The following RASSF4 variants were observed in gnomAD, a reference collection of about 807,000 sequenced individuals.
RASSF4 encodes Ras association domain family member 4, also known as ras association domain-containing protein 4.
In RASSF4, 38 loss-of-function variants were observed where a neutral mutation model predicts 41.1. The observed-to-expected ratio is 0.92, with a 90% CI of 0.71 to 1.21. The LOEUF is 1.21. Among genes scored for constraint, RASSF4 ranks in the 50% most tolerant of loss-of-function variants. The probability of loss-of-function intolerance (pLI) is 0.00; values close to 1 mark genes in which losing one functional copy is unlikely to be tolerated. For missense variants in RASSF4, 414 were observed against 419.4 expected, an observed-to-expected ratio of 0.99 and a Z score of 0.11; for synonymous variants, 179 against 163.4, an observed-to-expected ratio of 1.10 and a Z score of -0.73.
Position 44,984,863 on chromosome 10 carries a change from G to C in RASSF4, c.424G>C (p.Asp142His). 6.2e-7 allele frequency: 1 copy of C among 1,613,604 alleles called. No homozygotes were observed. Among genetic ancestry groups the C allele is most frequent in the South Asian group, 1.1e-5 (1 of 91,078 alleles). ...EAPQLMRTKS[D>H]ASCMSQRRPK... ...CCCCCAGCTGATGCGGACCAAGAGC[G>C]ACGCCAGTTGCATGAGCCAGAGGAG... Residue 142 changes from aspartate (D) to histidine (H), a missense_variant, in exon 6 of 11, where the codon GAC (aspartate) becomes CAC (histidine). Physicochemically the swap from Asp to His is moderately conservative, Grantham distance 81. Transcript: ENST00000340258.
chr10:44,983,002 T>TA, intron 4 of RASSF4: 1 of 575,652 alleles, frequency 1.7e-6, no homozygotes, highest in Non-Finnish European at 3.4e-6. Context: ...GTTCTATCTT[T>TA]AAAATTCACA....
At chr10:44,968,963 TGTGA>T (rs1336482762) in intron 1 of RASSF4, among the ~76,000 whole-genome samples, 1 of 152,032 alleles carries the variant, frequency 6.6e-6, no homozygotes, top group African/African-American at 2.4e-5. Flanking sequence ...TATGTGTGTG[TGTGA>T]GTGTGTGTCT....
chr10:44,976,080 A>G (rs572147422), intron 3 of RASSF4: 1 of 152,218 alleles, frequency 6.6e-6, no homozygotes, highest in Non-Finnish European at 1.5e-5. Context: ...ACGTTTGCCC[A>G]AAGTCAGGGA....
Position 44,993,386 on chromosome 10 carries a change from C to G in RASSF4, c.*57C>G. 1 of 1,428,190 alleles carries G rather than the reference C, an allele frequency of 7.0e-7. No homozygotes were observed. Among genetic ancestry groups the G allele is most frequent in the Non-Finnish European group, 9.6e-7 (1 of 1,041,630 alleles). The allele number at this position is 1,428,190 out of a possible 1,614,324, so 88.5% of individuals were successfully genotyped here. A position where few individuals can be genotyped will look rare whatever the true frequency, so the allele number is the denominator to read the frequency against. On this transcript the variant is annotated 3_prime_UTR_variant, in exon 11 of 11. Coordinates refer to ENST00000340258, the MANE Select transcript of RASSF4 (RefSeq NM_032023.4). Reference sequence around the variant, plus strand: ...AGCAGTGGCAGGTGTACACTGAGCCCTGGTTGCTGGCCCCGGCCGGTCACA... The same window carrying G: ...AGCAGTGGCAGGTGTACACTGAGCCGTGGTTGCTGGCCCCGGCCGGTCACA...
At chr10:44,973,464 G>C (rs1431941649) in intron 3 of RASSF4, among the ~76,000 whole-genome samples, 1 of 152,214 alleles carries the variant, frequency 6.6e-6, no homozygotes, top group Non-Finnish European at 1.5e-5. Context: ...CTGTTCTTCA[G>C]CTCTGGCTGT....
rs530933864 is a variant in RASSF4 at position 44,987,530 on chromosome 10, G to A, written c.532-1744G>A. Among the ~76,000 whole-genome samples, 12 of 151,470 alleles carry A rather than the reference G, an allele frequency of 7.9e-5. No individual in the cohort carries two copies. In the East Asian group the frequency reaches 2.1e-3, roughly 27 times the overall value. ...AGGTTGAGTCTGACTCTGGCACAGC[G>A]TGCTTCATTTTATTGTGCTTCTTGT... On this transcript the variant is annotated intron_variant, in intron 6 of 10. Transcript: ENST00000340258.
At chr10:44,989,744 G>C in intron 8 of RASSF4, 23 bp downstream of exon 8, 1 of 1,610,720 alleles carries the variant, frequency 6.2e-7, no homozygotes. Flanking sequence ...CCCACTTCTG[G>C]ATCGTAAAAG....
chr10:44,988,057 C>T (rs750802462), intron 6 of RASSF4, among the ~76,000 whole-genome samples: 4 of 152,034 alleles, frequency 2.6e-5, no homozygotes, highest in Admixed American at 6.6e-5. Flanking sequence ...GAGGAATATG[C>T]GAATCTAAAC....
intron 1 of RASSF4, among the ~76,000 whole-genome samples, chr10:44,960,885 G>T (rs923684653): frequency 7.2e-6 from 1 of 139,400 alleles, no homozygotes; most frequent in African/African-American, 2.9e-5. Flanking sequence ...AGGATTTGTT[G>T]CCAGAAACCA....
chr10:44,984,651 AAGCTGGGAATATCC>A, intron 5 of RASSF4, 148 bp from the exon 6 acceptor site: 1 of 790,828 alleles, frequency 1.3e-6, no homozygotes, highest in East Asian at 2.5e-5. Context: ...TCCTATCTGC[AAGCTGGGAATATCC>A]AGCCTCCAGT....
intron 1 of RASSF4, among the ~76,000 whole-genome samples, chr10:44,968,505 C>T (rs1299425997): frequency 2.0e-5 from 3 of 152,140 alleles, no homozygotes; most frequent in Admixed American, 6.5e-5. Context: ...AAGCCCACTC[C>T]CTCAAATCCT....
At chr10:44,971,220 A>C (rs1841142549) in intron 2 of RASSF4, 2 of 326,058 alleles carry the variant, frequency 6.1e-6, no homozygotes, top group Non-Finnish European at 6.1e-6. Context: ...CCCTTCGGGA[A>C]GGGAGACAGC....
At position 44,990,094 on chromosome 10, in the gene RASSF4, C is replaced by G. The variant is rs982322470; in HGVS notation, c.685+373C>G. Among the ~76,000 whole-genome samples the G allele has an allele frequency of 3.3e-5, 5 of 152,214 alleles. No homozygotes were observed. In the South Asian group the frequency reaches 1.0e-3, roughly 32 times the overall value. On this transcript the variant is annotated intron_variant, in intron 8 of 10. Coordinates refer to ENST00000340258, the MANE Select transcript of RASSF4 (RefSeq NM_032023.4). ...TCCAGAGAAATGGATGGGTGGGTAC[C>G]TAGCTCCTTGGCGCCGAGTCAGGAA...
At chr10:44,968,394 C>T (rs1183114662) in intron 1 of RASSF4, among the ~76,000 whole-genome samples, 1 of 152,168 alleles carries the variant, frequency 6.6e-6, no homozygotes, top group Non-Finnish European at 1.5e-5. Context: ...CAGCTCCAGG[C>T]CTTGCTGCTG....
chr10:44,982,745 C>T, intron 4 of RASSF4, 82 bp downstream of exon 4: 1 of 1,477,094 alleles, frequency 6.8e-7, no homozygotes, highest in Middle Eastern at 2.2e-4. Context: ...GGTGGGAGCC[C>T]TGTTCCCTTA....
intron 1 of RASSF4, among the ~76,000 whole-genome samples, chr10:44,965,151 G>A (rs1387497177): frequency 6.6e-6 from 1 of 152,244 alleles, no homozygotes; most frequent in Non-Finnish European, 1.5e-5. Flanking sequence ...CCTTCAGAAT[G>A]ATGGTCCAGC....
intron 6 of RASSF4, among the ~76,000 whole-genome samples, chr10:44,987,769 T>C (rs932229634): frequency 6.6e-6 from 1 of 152,062 alleles, no homozygotes; most frequent in African/African-American, 2.4e-5. Context: ...AGCAATAAAG[T>C]AGTTTTAATT....
rs1156242405 is a variant in RASSF4 at position 44,993,988 on chromosome 10, G to A, written c.*659G>A. The A allele has an allele frequency of 1.3e-5, 2 of 152,270 alleles. No homozygotes were observed. The highest frequency in any genetic ancestry group is 6.5e-5 in the Admixed American group (1 of 15,294). The allele number at this position is 152,270 out of a possible 1,614,324, so 9.4% of individuals were successfully genotyped here. A position where few individuals can be genotyped will look rare whatever the true frequency, so the allele number is the denominator to read the frequency against. On this transcript the variant is annotated 3_prime_UTR_variant, in exon 11 of 11. Transcript: ENST00000340258. ...AGACCTAAAGCGATTCTTACAAGGA[G>A]CTTGCTGCAAGAAACACGGTCATTC...
At position 44,989,711 on chromosome 10, in the gene RASSF4, C is replaced by T. The variant is rs755757553; in HGVS notation, c.675C>T (p.His225=). Reference sequence around the variant, plus strand: ...GTGAGTTCGCACTCTACATCGTTCACGAGTCTGGGGGTAAGTACCTGCCCC... The same window carrying T: ...GTGAGTTCGCACTCTACATCGTTCATGAGTCTGGGGGTAAGTACCTGCCCC... ...GPSEFALYIV[H]ESGERTKLKD... Residue 225 remains histidine, a synonymous_variant, in exon 8 of 11, where the codon CAC becomes CAT. Transcript: ENST00000340258. The T allele has an allele frequency of 2.5e-6, 4 of 1,614,062 alleles. No individual in the cohort carries two copies. Among genetic ancestry groups the T allele is most frequent in the Admixed American group, 1.7e-5 (1 of 60,012 alleles).
Sources: allele counts gnomAD v4.1 joint callset (sites outside exome capture counted in the v4.1 genomes callset), GRCh38; gene constraint gnomAD v4.1.1; transcripts MANE v1.5; gene names NCBI Gene and HGNC (gene_info 2026-07-23, HGNC 2026-07-21).